NAV3: variants seen among roughly 807,000 people sequenced by gnomAD.
The protein encoded by NAV3 is pore membrane and/or filament interacting like protein 1.
NAV3 carries 87 observed loss-of-function variants against 244.7 expected under a neutral mutation model. That is an observed-to-expected ratio of 0.36 (90% CI 0.30 to 0.42). The LOEUF (loss-of-function observed/expected upper bound fraction) is 0.42. Ranked by LOEUF, NAV3 falls within the 20% of genes least tolerant of loss-of-function variation. The pLI is 1.00. For synonymous variants in NAV3, 1,126 were observed against 1,042.2 expected, an observed-to-expected ratio of 1.08 and a Z score of -1.55; for missense variants, 2,663 against 2,893.3, an observed-to-expected ratio of 0.92 and a Z score of 1.83.
At chr12:77,827,062 G>T (rs1262192368), upstream of NAV3, among the ~76,000 whole-genome samples, 1 of 151,932 alleles carries the variant, frequency 6.6e-6, no homozygotes, top group African/African-American at 2.4e-5. Context: ...GCGAAAAGCT[G>T]TCGCTACTAA....
intron 12 of NAV3, among the ~76,000 whole-genome samples, chr12:78,114,382 G>T (rs1955262134): frequency 6.6e-6 from 1 of 152,060 alleles, no homozygotes; most frequent in Admixed American, 6.6e-5. Flanking sequence ...TGATAATAAA[G>T]ACATACCCAA....
At chr12:78,058,801 A>G (rs1404126547) in intron 11 of NAV3, among the ~76,000 whole-genome samples, 195 bp from the exon 12 acceptor site, 1 of 152,186 alleles carries the variant, frequency 6.6e-6, no homozygotes, top group Non-Finnish European at 1.5e-5. Context: ...ACTAGGAAAT[A>G]TTGATTTCCT....
At chr12:77,817,010 A>T (rs1872552856) in intron 2 of NAV3, among the ~76,000 whole-genome samples, 1 of 152,158 alleles carries the variant, frequency 6.6e-6, no homozygotes, top group African/African-American at 2.4e-5. Context: ...CTGGTATTTT[A>T]TCTGCAACTG....
chr12:78,089,158 A>T (rs1038283717), intron 12 of NAV3, among the ~76,000 whole-genome samples: 1 of 152,172 alleles, frequency 6.6e-6, no homozygotes, highest in Middle Eastern at 3.4e-3. Flanking sequence ...CCATACCACC[A>T]TTCCCTTCCC....
chr12:78,130,916 C>T (rs563153258), intron 18 of NAV3: 16 of 180,846 alleles, frequency 8.8e-5, no homozygotes, highest in Admixed American at 3.3e-4. Context: ...TCTGTGTTGG[C>T]CAGCATCAGT....
At chr12:77,697,325 A>C (rs1875351278) in intron 2 of NAV3, among the ~76,000 whole-genome samples, 1 of 152,152 alleles carries the variant, frequency 6.6e-6, no homozygotes, top group Admixed American at 6.6e-5. Context: ...AGTGATGGGC[A>C]GGTCAAAATG....
Position 77,733,834 on chromosome 12 carries a change from A to ATT in NAV3, c.72+161590_72+161591dup, listed in dbSNP as rs56770236. Among the ~76,000 whole-genome samples, 318 of 124,170 alleles carry ATT rather than the reference A, an allele frequency of 2.6e-3. 1 individual carries two copies. Among genetic ancestry groups the ATT allele is most frequent in the Middle Eastern group, 0.017 (4 of 234 alleles). 81.5% of individuals were successfully genotyped at this position (124,170 alleles called of 152,430 possible). ...GCAAGCCCTAATTGACTTGGTTTAGATTTTTTTTTTTTTTTTTTTTTTTGC... is the reference window on the plus strand; with the variant it reads ...GCAAGCCCTAATTGACTTGGTTTAGATTTTTTTTTTTTTTTTTTTTTTTTTGC... On this transcript the variant is annotated intron_variant, in intron 2 of 8. Transcript: ENST00000550042.
intron 22 of NAV3, among the ~76,000 whole-genome samples, chr12:78,152,639 T>C (rs1029102211): frequency 3.9e-5 from 6 of 151,956 alleles, no homozygotes; most frequent in African/African-American, 1.4e-4. Context: ...TAAATTTCAT[T>C]CAGAATGTTT....
rs767716274 is a variant in NAV3, at chr12:78,185,645, G to A, written c.5737G>A (p.Gly1913Ser). Residue 1913 changes from glycine to serine, a missense_variant, in exon 31 of 40, where the codon GGC (glycine) becomes AGC (serine). Physicochemically the swap from Gly to Ser is moderately conservative, Grantham distance 56. This residue lies in a region of NAV3 where 543 missense variants were observed against 672.4 expected (regional missense o/e 0.81). Coordinates refer to ENST00000397909, the MANE Select transcript of NAV3 (RefSeq NM_001024383.2). Reference sequence around the variant, plus strand: ...TGGTGATGCAACTGGACATAAAGATGGCCGCAGTGTGAAAATTATAGTCTC... The same window carrying A: ...TGGTGATGCAACTGGACATAAAGATAGCCGCAGTGTGAAAATTATAGTCTC... The part of the protein sequence containing the change: ...DAGDATGHKD[G>S]RSVKIIVSIS... 1.2e-6 allele frequency: 2 copies of A among 1,608,554 alleles called. No individual in the cohort carries two copies. Among genetic ancestry groups the A allele is most frequent in the South Asian group, 1.1e-5 (1 of 90,914 alleles).
chr12:77,866,023 G>A (rs1879964450), intron 1 of NAV3, among the ~76,000 whole-genome samples: 1 of 151,756 alleles, frequency 6.6e-6, no homozygotes. Context: ...ATATGAGATG[G>A]CATTTTTCCA....
chr12:77,618,866 G>A (rs1252591995), intron 2 of NAV3, among the ~76,000 whole-genome samples: 1 of 152,160 alleles, frequency 6.6e-6, no homozygotes, highest in Non-Finnish European at 1.5e-5. Flanking sequence ...TAAATAAATG[G>A]ATTGTCAGTA....
chr12:77,956,372 C>G (rs951550604), intron 3 of NAV3, among the ~76,000 whole-genome samples: 6 of 152,084 alleles, frequency 3.9e-5, no homozygotes, highest in African/African-American at 1.4e-4. Context: ...GATTGGTTTA[C>G]GTTTTTCTAG....
intron 5 of NAV3, among the ~76,000 whole-genome samples, chr12:77,975,055 A>C (rs1868284305): frequency 1.3e-5 from 2 of 152,200 alleles, no homozygotes; most frequent in African/African-American, 2.4e-5. Context: ...AATTTAAAGT[A>C]ATAATATTTC....
chr12:77,793,293 TTCTC>T (rs927092906), intron 2 of NAV3, among the ~76,000 whole-genome samples: 65 of 152,242 alleles, frequency 4.3e-4, no homozygotes, highest in African/African-American at 1.5e-3. Flanking sequence ...TGGTAAGTAT[TTCTC>T]TATTTTAATT....
At chr12:78,005,889 T>C (rs1405049137) in intron 7 of NAV3, among the ~76,000 whole-genome samples, 2 of 152,238 alleles carry the variant, frequency 1.3e-5, no homozygotes, top group African/African-American at 4.8e-5. Context: ...ATATTCATTA[T>C]AGAATAAAGC....
chr12:77,709,306 A>T (rs1875990614), intron 2 of NAV3, among the ~76,000 whole-genome samples: 1 of 152,216 alleles, frequency 6.6e-6, no homozygotes, highest in Non-Finnish European at 1.5e-5. Context: ...CGTATCTCAA[A>T]ATAATAAGAG....
At chr12:77,708,815 T>G (rs1875960619) in intron 2 of NAV3, among the ~76,000 whole-genome samples, 1 of 152,168 alleles carries the variant, frequency 6.6e-6, no homozygotes, top group Admixed American at 6.5e-5. Flanking sequence ...TTATTCTCTT[T>G]GAAGCAATTG....
At chr12:77,671,931 T>C (rs1252970198) in intron 2 of NAV3, among the ~76,000 whole-genome samples, 2 of 152,192 alleles carry the variant, frequency 1.3e-5, no homozygotes, top group Non-Finnish European at 2.9e-5. Flanking sequence ...AAAAAGCTTC[T>C]GCACAGCAAA....
chr12:77,580,219 A>AAAACACACACACAC (rs540863736), intron 2 of NAV3, among the ~76,000 whole-genome samples: 19 of 145,390 alleles, frequency 1.3e-4, no homozygotes, highest in Non-Finnish European at 2.7e-4. Context: ...GTAGGGTGGG[A>AAAACACACACACAC]ACACACACAC....
Sources: gnomAD v4.1 joint callset for allele counts (sites outside exome capture counted in the v4.1 genomes callset) on GRCh38, gnomAD v4.1.1 for gene constraint, gnomAD v4.1.1 regional missense constraint, MANE v1.5 for transcripts, NCBI Gene and HGNC (gene_info 2026-07-23, HGNC 2026-07-21) for gene names.